PCDH11X: variants seen among roughly 807,000 people sequenced by gnomAD.
PCDH11X encodes protocadherin-11 X-linked.
PCDH11X carries 18 observed loss-of-function variants against 53.3 expected under a neutral mutation model. The observed-to-expected ratio is 0.34, with a 90% confidence interval of 0.23 to 0.50. The LOEUF is 0.50. Among genes scored for constraint, PCDH11X ranks in the 20% least tolerant of loss-of-function variants. PCDH11X has a pLI of 0.98. For synonymous variants in PCDH11X, 279 were observed against 393.3 expected (o/e 0.71, Z 3.44); for missense variants, 570 against 1,032.4 (o/e 0.55, Z 6.14).
At chrX:91,931,062 T>C (rs1293360046) in intron 6 of PCDH11X, among the ~76,000 whole-genome samples, 2 of 110,409 alleles carry the variant, frequency 1.8e-5, no homozygotes, top group Non-Finnish European at 3.8e-5. Flanking sequence ...GAACTTTGTT[T>C]TGGGAAATTC....
At chrX:91,832,845 A>AT (rs3069059) in intron 4 of PCDH11X, among the ~76,000 whole-genome samples, 144 of 108,683 alleles carry the variant, frequency 1.3e-3, no homozygotes, top group African/African-American at 4.4e-3. Context: ...GTTTTATCTT[A>AT]TTTTTTTTTA....
At chrX:92,602,848 G>C (rs1281623336) in intron 10 of PCDH11X, among the ~76,000 whole-genome samples, 8 of 84,390 alleles carry the variant, frequency 9.5e-5, no homozygotes, top group Non-Finnish European at 1.7e-4. Context: ...ATAAAATTAT[G>C]AGGTATTCTG....
intron 5 of PCDH11X, among the ~76,000 whole-genome samples, chrX:91,851,575 G>A (rs1214038301): frequency 1.8e-5 from 2 of 111,433 alleles, no homozygotes; most frequent in Non-Finnish European, 3.8e-5. Context: ...TAAATGGGGT[G>A]TCCTCAGTTC....
At chrX:91,973,209 A>G (rs1257202901) in intron 6 of PCDH11X, among the ~76,000 whole-genome samples, 2 of 98,947 alleles carry the variant, frequency 2.0e-5, no homozygotes, top group African/African-American at 3.7e-5. Context: ...AACACCGCAT[A>G]TTCTCACTCA....
At chrX:92,202,645 T>G (rs1193667497) in intron 7 of PCDH11X, among the ~76,000 whole-genome samples, 1 of 112,135 alleles carries the variant, frequency 8.9e-6, no homozygotes, top group Non-Finnish European at 1.9e-5. Context: ...CACTTTTACT[T>G]ATTTTGGTCA....
chrX:91,874,312 A>T (rs1410594610), intron 5 of PCDH11X, among the ~76,000 whole-genome samples: 2 of 110,370 alleles, frequency 1.8e-5, no homozygotes, highest in East Asian at 5.6e-4. Context: ...TTTTCTTAAA[A>T]TATGCAGTAT....
intron 6 of PCDH11X, among the ~76,000 whole-genome samples, chrX:92,180,633 T>G (rs2065980782): frequency 9.0e-6 from 1 of 111,623 alleles, no homozygotes; most frequent in Non-Finnish European, 1.9e-5. Context: ...CCATATGTTG[T>G]GGGAGGGACT....
chrX:91,938,985 T>A, intron 6 of PCDH11X, among the ~76,000 whole-genome samples: 1 of 111,331 alleles, frequency 9.0e-6, no homozygotes, highest in South Asian at 3.7e-4. Context: ...AAGCAAAGAT[T>A]AGTGAACATA....
chrX:92,475,536 T>C (rs758392794), intron 10 of PCDH11X, among the ~76,000 whole-genome samples: 1 of 112,294 alleles, frequency 8.9e-6, no homozygotes, highest in Admixed American at 9.4e-5. Flanking sequence ...TGAAATGTGC[T>C]GCCAGATGTA....
chrX:91,934,681 G>A (rs1283241219), intron 6 of PCDH11X, among the ~76,000 whole-genome samples: 6 of 102,900 alleles, frequency 5.8e-5, no homozygotes, highest in Admixed American at 5.5e-4. Flanking sequence ...CTACTTTGGA[G>A]TACCTTAATT....
chrX:92,171,755 C>T (rs1471538330), intron 6 of PCDH11X, among the ~76,000 whole-genome samples: 40 of 110,795 alleles, frequency 3.6e-4, no homozygotes, highest in Admixed American at 3.5e-3. Flanking sequence ...TCACCGTGCC[C>T]GGCCCAGTTT....
chrX:92,050,104 A>T (rs1274728629), intron 6 of PCDH11X, among the ~76,000 whole-genome samples: 1 of 111,442 alleles, frequency 9.0e-6, no homozygotes, highest in Non-Finnish European at 1.9e-5. Flanking sequence ...CAAATGTAAC[A>T]AAATATTTGG....
intron 9 of PCDH11X, among the ~76,000 whole-genome samples, chrX:92,393,219 G>T (rs1288042775): frequency 3.6e-5 from 4 of 110,755 alleles, no homozygotes; most frequent in Non-Finnish European, 7.6e-5. Flanking sequence ...TCCCTTTAAA[G>T]GTTAATTACG....
chrX:92,100,759 G>C (rs1202829787), intron 6 of PCDH11X, among the ~76,000 whole-genome samples: 1 of 110,044 alleles, frequency 9.1e-6, no homozygotes, highest in Non-Finnish European at 1.9e-5. Flanking sequence ...AAAATTTTTG[G>C]GGGGGTGGTA....
intron 10 of PCDH11X, among the ~76,000 whole-genome samples, chrX:92,514,206 C>T (rs756843918): frequency 1.9e-5 from 2 of 106,658 alleles, no homozygotes; most frequent in East Asian, 5.9e-4. Context: ...TTTATGTTTT[C>T]ATTTCTCTTG....
chrX:92,466,554 T>C (rs1236366283), intron 9 of PCDH11X, among the ~76,000 whole-genome samples: 1 of 110,310 alleles, frequency 9.1e-6, no homozygotes, highest in East Asian at 2.8e-4. Context: ...TCACATTCAG[T>C]CTTAAAAGTT....
chrX:92,576,510 T>C (rs1922999574), intron 10 of PCDH11X, among the ~76,000 whole-genome samples: 1 of 95,604 alleles, frequency 1.0e-5, no homozygotes, highest in Non-Finnish European at 2.1e-5. Context: ...TTTTGTTTAT[T>C]GAAGGTGATT....
intron 6 of PCDH11X, among the ~76,000 whole-genome samples, chrX:91,974,969 C>G (rs1602599312): frequency 9.0e-6 from 1 of 110,512 alleles, no homozygotes; most frequent in African/African-American, 3.3e-5. Context: ...TCAGGCTGGT[C>G]TCTCACTCCT....
intron 1 of PCDH11X, among the ~76,000 whole-genome samples, chrX:91,795,869 G>A (rs1327471726): frequency 9.0e-6 from 1 of 111,367 alleles, no homozygotes; most frequent in Non-Finnish European, 1.9e-5. Flanking sequence ...AAGTTTTAAT[G>A]TTCCATAAAC....
Sources: gnomAD v4.1 joint callset for allele counts (sites outside exome capture counted in the v4.1 genomes callset) on GRCh38, gnomAD v4.1.1 for gene constraint, MANE v1.5 for transcripts, NCBI Gene and HGNC (gene_info 2026-07-23, HGNC 2026-07-21) for gene names.